The following CFAP43 variants were observed in gnomAD, a reference collection of about 807,000 sequenced individuals.
The protein encoded by CFAP43 is cilia- and flagella-associated protein 43.
Under a neutral mutation model 218.9 loss-of-function variants are expected in CFAP43, and 155 were observed. That is an observed-to-expected ratio of 0.71 (90% CI 0.62 to 0.81). The LOEUF (loss-of-function observed/expected upper bound fraction) is 0.81, where lower values mean the gene tolerates loss of function less well. CFAP43 is among the 30% of genes least tolerant of loss of function. The probability of loss-of-function intolerance (pLI) is 0.00; values close to 1 mark genes in which losing one functional copy is unlikely to be tolerated. For synonymous variants in CFAP43, 645 were observed against 681.3 expected (o/e 0.95, Z 0.83); for missense variants, 1,778 against 1,954.3 (o/e 0.91, Z 1.70).
intron 33 of CFAP43, 100 bp downstream of exon 33, chr10:104,142,181 T>C: frequency 1.1e-6 from 1 of 918,590 alleles, no homozygotes; most frequent in East Asian, 2.6e-5. Context: ...GGGAGATGGC[T>C]GTAAAGCAGT....
At chr10:104,153,407 G>A (rs1450026550) in intron 27 of CFAP43, among the ~76,000 whole-genome samples, 4 of 152,150 alleles carry the variant, frequency 2.6e-5, no homozygotes, top group Admixed American at 2.0e-4. Flanking sequence ...CTAAAAGAGT[G>A]TAACTGTATT....
At chr10:104,167,109 C>G (rs2089193104) in intron 22 of CFAP43, among the ~76,000 whole-genome samples, 1 of 152,132 alleles carries the variant, frequency 6.6e-6, no homozygotes, top group Non-Finnish European at 1.5e-5. Flanking sequence ...ATTAAGCATG[C>G]CTTCTTTTTG....
At chr10:104,179,449 A>G (rs902548467) in intron 18 of CFAP43, among the ~76,000 whole-genome samples, 1 of 152,178 alleles carries the variant, frequency 6.6e-6, no homozygotes, top group African/African-American at 2.4e-5. Flanking sequence ...ACGAGCTGTA[A>G]TCAGTCAGTC....
chr10:104,217,340 CTTTCTTTCTTTCTT>C (rs1564809954), intron 3 of CFAP43, among the ~76,000 whole-genome samples: 3 of 119,742 alleles, frequency 2.5e-5, no homozygotes, highest in African/African-American at 1.0e-4. Context: ...CTTTTCTTTT[CTTTCTTTCTTTCTT>C]TTTCTTTCTT....
intron 10 of CFAP43, among the ~76,000 whole-genome samples, chr10:104,194,602 TC>T (rs1235462110): frequency 6.6e-6 from 1 of 152,118 alleles, no homozygotes; most frequent in Non-Finnish European, 1.5e-5. Context: ...AATAACTGTA[TC>T]ACCGGAAGAT....
chr10:104,178,993 G>A, intron 19 of CFAP43, 36 bp downstream of exon 19: 1 of 1,537,450 alleles, frequency 6.5e-7, no homozygotes, highest in Non-Finnish European at 9.0e-7. Context: ...TAGAATGAGG[G>A]CCAAAGGTAT....
intron 3 of CFAP43, among the ~76,000 whole-genome samples, chr10:104,220,353 C>A (rs1353835746): frequency 6.6e-6 from 1 of 152,152 alleles, no homozygotes; most frequent in Non-Finnish European, 1.5e-5. Context: ...CTATGGCAGG[C>A]CTAGCTAATT....
chr10:104,192,726 G>A, intron 11 of CFAP43: 1 of 171,030 alleles, frequency 5.8e-6, no homozygotes, highest in South Asian at 1.4e-4. Flanking sequence ...TATCAAATTA[G>A]AAAAAGTGGG....
intron 20 of CFAP43, among the ~76,000 whole-genome samples, chr10:104,169,148 G>C (rs1420996073): frequency 4.6e-5 from 7 of 152,194 alleles, no homozygotes; most frequent in Non-Finnish European, 1.0e-4. Flanking sequence ...TGTGAGGATG[G>C]ATGCACTGTG....
intron 27 of CFAP43, among the ~76,000 whole-genome samples, chr10:104,157,229 G>T (rs1408977282): frequency 1.3e-5 from 2 of 152,142 alleles, no homozygotes; most frequent in African/African-American, 4.8e-5. Flanking sequence ...ACTCTGTTTA[G>T]TTCTCAGTAA....
chr10:104,145,422 C>A, intron 31 of CFAP43, 54 bp downstream of exon 31: 1 of 1,246,122 alleles, frequency 8.0e-7, no homozygotes, highest in Non-Finnish European at 1.2e-6. Context: ...AGTAACACTC[C>A]TCTTTATTTG....
intron 34 of CFAP43, 121 bp downstream of exon 34, chr10:104,140,721 G>A (rs1285968333): frequency 3.1e-5 from 21 of 680,348 alleles, no homozygotes; most frequent in Middle Eastern, 8.1e-4. Flanking sequence ...GTGAAGGTGG[G>A]AGGATCTATT....
intron 13 of CFAP43, 140 bp from the exon 14 acceptor site, chr10:104,187,632 G>T: frequency 1.5e-6 from 1 of 688,958 alleles, no homozygotes; most frequent in South Asian, 3.2e-5. Flanking sequence ...TGATAAAAAT[G>T]ATTTAAAAAC....
At chr10:104,144,761 G>A (rs2087877507) in intron 31 of CFAP43, among the ~76,000 whole-genome samples, 1 of 152,214 alleles carries the variant, frequency 6.6e-6, no homozygotes, top group African/African-American at 2.4e-5. Flanking sequence ...ACATCTTTGT[G>A]ACAAACTCCT....
Position 104,133,619 on chromosome 10 carries a change from C to T in CFAP43, c.4596+1G>A. 1 of 1,609,530 alleles carries T rather than the reference C, an allele frequency of 6.2e-7. No homozygotes were observed. Among genetic ancestry groups the T allele is most frequent in the Non-Finnish European group, 8.5e-7 (1 of 1,178,172 alleles). On this transcript the variant is annotated splice_donor_variant, in intron 35 of 37. Transcript: ENST00000357060. LOFTEE classifies it high-confidence loss of function. ...TATGTAGGGGGGTAGGGAGAATTTA[C>T]CTTTTGACGATCTCTTGAAAAAAAT... is the stretch of plus-strand genomic sequence containing the variant.
chr10:104,141,385 G>T (rs1235378967), intron 33 of CFAP43, among the ~76,000 whole-genome samples: 1 of 152,186 alleles, frequency 6.6e-6, no homozygotes, highest in Admixed American at 6.5e-5. Context: ...GCCGAGGTGG[G>T]TGGATCATCT....
intron 8 of CFAP43, among the ~76,000 whole-genome samples, chr10:104,199,291 C>T (rs2090463627): frequency 6.6e-6 from 1 of 152,178 alleles, no homozygotes; most frequent in African/African-American, 2.4e-5. Context: ...AAGAAGTCTG[C>T]TTTCAGCTAA....
In CFAP43 at chr10:104,185,997, A is replaced by C. The variant is rs375178180; in HGVS notation, c.1987T>G (p.Cys663Gly). ...LITIAKCGIL[C>G]IRDVYTLETF... is the part of the protein sequence containing the mutation. Reference sequence around the variant, plus strand: ...ACCAAAGTATAAACGTCTCGGATACACAGAATTCCACATTTAGCTATTGTT... The same window carrying C: ...ACCAAAGTATAAACGTCTCGGATACCCAGAATTCCACATTTAGCTATTGTT... Residue 663 changes from cysteine (C) to glycine (G), a missense_variant, in exon 15 of 38, where the codon TGT becomes GGT. Transcript: ENST00000357060. 3 of 1,611,986 alleles carry C rather than the reference A, an allele frequency of 1.9e-6. No individual in the cohort carries two copies. In the African/African-American group the frequency reaches 4.0e-5, roughly 22 times the overall value.
At chr10:104,144,182 T>C (rs1231207018) in intron 31 of CFAP43, among the ~76,000 whole-genome samples, 33 of 152,330 alleles carry the variant, frequency 2.2e-4, no homozygotes, top group South Asian at 2.1e-4. Flanking sequence ...AAAGTCAGCC[T>C]GGGAGAGAAG....
Sources: gnomAD v4.1 joint callset for allele counts (sites outside exome capture counted in the v4.1 genomes callset) on GRCh38, gnomAD v4.1.1 for gene constraint, MANE v1.5 for transcripts, NCBI Gene and HGNC (gene_info 2026-07-23, HGNC 2026-07-21) for gene names.